IL1RL1: variants seen among roughly 807,000 people sequenced by gnomAD.
IL1RL1 encodes interleukin-1 receptor-like 1.
A neutral mutation model predicts 50.9 loss-of-function variants in IL1RL1; 32 were observed. The ratio of observed to expected loss-of-function variants is 0.63; its 90% CI spans 0.47 to 0.84. The LOEUF (loss-of-function observed/expected upper bound fraction) is 0.84, where lower values mean the gene tolerates loss of function less well. IL1RL1 is among the 40% of genes least tolerant of loss of function. IL1RL1 has a pLI of 0.00. For synonymous variants in IL1RL1, 275 were observed against 236.0 expected (o/e 1.17, Z -1.51); for missense variants, 773 against 662.9 (o/e 1.17, Z -1.82).
At position 102,343,915 on chromosome 2, in the gene IL1RL1, A is replaced by T. The variant is rs952572770; in HGVS notation, c.970+500A>T. 5.0e-6 allele frequency: 5 copies of T among 995,690 alleles called. No homozygotes were observed. In the African/African-American group the frequency reaches 8.7e-5, roughly 17 times the overall value. 61.7% of individuals were successfully genotyped at this position (995,690 alleles called of 1,614,324 possible). ...CAAACTACTGCCATTTCAGTGAGAA[A>T]ATCCTAGGTGCTACTTTATAATAAG... On this transcript the variant is annotated intron_variant, in intron 8 of 10. Coordinates refer to ENST00000233954, the MANE Select transcript of IL1RL1 (RefSeq NM_016232.5).
chr2:102,329,361 T>A (rs567870299), intron 1 of IL1RL1, among the ~76,000 whole-genome samples: 2 of 152,258 alleles, frequency 1.3e-5, no homozygotes, highest in Admixed American at 6.5e-5. Context: ...AAGACTGAAA[T>A]TTTAGACCTA....
At chr2:102,313,706 C>G (rs745445735) in intron 1 of IL1RL1, among the ~76,000 whole-genome samples, 7 of 152,186 alleles carry the variant, frequency 4.6e-5, no homozygotes, top group Non-Finnish European at 1.0e-4. Flanking sequence ...TGGGTGATGA[C>G]TTTGAGCCAG....
intron 4 of IL1RL1, 110 bp from the exon 5 acceptor site, chr2:102,340,556 C>T (rs568646067): frequency 3.8e-5 from 42 of 1,097,508 alleles, no homozygotes; most frequent in Admixed American, 1.5e-4. Context: ...GAGGTTACAG[C>T]GAGCCCAGAT....
intron 1 of IL1RL1, among the ~76,000 whole-genome samples, chr2:102,336,497 G>A (rs1316904315): frequency 1.3e-5 from 2 of 152,292 alleles, no homozygotes; most frequent in Non-Finnish European, 1.5e-5. Context: ...ACTTATAAAC[G>A]TAGGTTGAGT....
In IL1RL1 at chr2:102,349,142, C is replaced by T; in HGVS notation, c.1181C>T (p.Ala394Val). 1.2e-6 allele frequency: 2 copies of T among 1,612,760 alleles called. No individual in the cohort carries two copies. The highest frequency in any genetic ancestry group is 2.2e-5 in the South Asian group (2 of 91,034). Residue 394 changes from alanine (A) to valine (V), a missense_variant, in exon 10 of 11, where the codon GCC becomes GTC. Coordinates refer to ENST00000233954, the MANE Select transcript of IL1RL1 (RefSeq NM_016232.5). ...AACTACAAATCCAGTACAGATGGGG[C>T]CAGTCGTGTAGAGCACTTTGTTCAC... ...PRNYKSSTDG[A>V]SRVEHFVHQI...
chr2:102,315,187 A>C (rs934125430), intron 1 of IL1RL1, among the ~76,000 whole-genome samples: 1 of 152,086 alleles, frequency 6.6e-6, no homozygotes, highest in Non-Finnish European at 1.5e-5. Flanking sequence ...CTGCCACCCA[A>C]CTGAGGCTTC....
chr2:102,351,622 T>C lies in IL1RL1; in HGVS notation c.1372T>C (p.Phe458Leu), dbSNP rs764675499. 1.5e-5 allele frequency: 25 copies of C among 1,613,912 alleles called. 1 individual carries two copies. The Middle Eastern group carries it at 2.3e-3, about 149-fold the overall frequency. ...LTPQITHNKEFAYEQEVALHC... is the reference protein window; with the variant it reads ...LTPQITHNKELAYEQEVALHC... Reference sequence around the variant, plus strand: ...CCCTCAGATCACTCACAATAAGGAGTTTGCCTACGAGCAGGAGGTTGCCCT... The same window carrying C: ...CCCTCAGATCACTCACAATAAGGAGCTTGCCTACGAGCAGGAGGTTGCCCT... The change falls in exon 11 of 11, where the codon TTT becomes CTT. Residue 458 changes from phenylalanine (F) to leucine (L), a missense_variant. Coordinates refer to ENST00000233954, the MANE Select transcript of IL1RL1 (RefSeq NM_016232.5).
chr2:102,344,304 C>A, intron 8 of IL1RL1: 1 of 483,960 alleles, frequency 2.1e-6, no homozygotes, highest in Non-Finnish European at 2.7e-6. Flanking sequence ...GATTACCATT[C>A]AGCATGAGAT....
intron 2 of IL1RL1, 113 bp from the exon 3 acceptor site, chr2:102,338,724 A>G: frequency 1.3e-6 from 1 of 747,186 alleles, no homozygotes; most frequent in South Asian, 1.8e-5. Context: ...CCAAGGTATC[A>G]CAGTATATGA....
chr2:102,349,141 G>T lies in IL1RL1; in HGVS notation c.1180G>T (p.Ala394Ser). The T allele has an allele frequency of 1.9e-6, 3 of 1,613,284 alleles. No individual in the cohort carries two copies. The highest frequency in any genetic ancestry group is 2.5e-6 in the Non-Finnish European group (3 of 1,179,262). The stretch of plus-strand genomic sequence containing the variant: ...GAACTACAAATCCAGTACAGATGGG[G>T]CCAGTCGTGTAGAGCACTTTGTTCA... ...PRNYKSSTDG[A>S]SRVEHFVHQI... Residue 394 changes from alanine to serine, a missense_variant, in exon 10 of 11, where the codon GCC (alanine) becomes TCC (serine). Ala to Ser is a moderately conservative substitution (Grantham distance 99). Transcript: ENST00000233954.
At chr2:102,335,976 A>G (rs1167979099) in intron 1 of IL1RL1, among the ~76,000 whole-genome samples, 1 of 152,176 alleles carries the variant, frequency 6.6e-6, no homozygotes, top group East Asian at 1.9e-4. Flanking sequence ...CTCATGGTCA[A>G]TCTCCCCGCG....
intron 1 of IL1RL1, among the ~76,000 whole-genome samples, chr2:102,325,828 G>T (rs1216648839): frequency 6.6e-6 from 1 of 152,166 alleles, no homozygotes; most frequent in Non-Finnish European, 1.5e-5. Flanking sequence ...AACGAACAAA[G>T]TCTCCAAGAA....
chr2:102,350,323 T>C (rs1861246), intron 10 of IL1RL1, among the ~76,000 whole-genome samples: 117,188 of 152,224 alleles, frequency 0.77, 46,016 homozygotes, highest in African/African-American at 0.88. Context: ...TTTTTCAGTC[T>C]ATCCACCTAA....
intron 3 of IL1RL1, among the ~76,000 whole-genome samples, chr2:102,339,861 G>A (rs1026236212): frequency 6.6e-5 from 10 of 152,140 alleles, no homozygotes; most frequent in African/African-American, 2.4e-4. Context: ...TGTAGTGTAT[G>A]AATAAATGGT....
intron 8 of IL1RL1, among the ~76,000 whole-genome samples, chr2:102,347,580 C>T (rs904778199): frequency 2.0e-5 from 3 of 152,202 alleles, no homozygotes; most frequent in African/African-American, 7.2e-5. Context: ...CTCCCTGAAT[C>T]CTACTCATCT....
chr2:102,341,165 C>T (rs1677545130), intron 5 of IL1RL1: 1 of 1,057,950 alleles, frequency 9.5e-7, no homozygotes. Context: ...AGAGCAAAAC[C>T]AGCTTTTTTT....
Position 102,338,146 on chromosome 2 carries a change from T to C in IL1RL1, c.-119T>C, listed in dbSNP as rs1677396958. 2 of 605,186 alleles carry C rather than the reference T, an allele frequency of 3.3e-6. No individual in the cohort carries two copies. The highest frequency in any genetic ancestry group is 6.0e-6 in the Non-Finnish European group (2 of 334,670). The allele number at this position is 605,186 out of a possible 1,614,324, so 37.5% of individuals were successfully genotyped here. ...ATATAGGCTACTCTTCCCAACTCAGTCTTGAAGAGTATCACCAACTGCCTC... is the reference window on the plus strand; with the variant it reads ...ATATAGGCTACTCTTCCCAACTCAGCCTTGAAGAGTATCACCAACTGCCTC... On this transcript the variant is annotated 5_prime_UTR_variant, in exon 2 of 11. Coordinates refer to ENST00000233954, the MANE Select transcript of IL1RL1 (RefSeq NM_016232.5).
chr2:102,324,709 G>T (rs2104967595), intron 1 of IL1RL1, among the ~76,000 whole-genome samples: 1 of 152,332 alleles, frequency 6.6e-6, no homozygotes, highest in Admixed American at 6.5e-5. Flanking sequence ...ATTATATCCT[G>T]CACCTGGCTT....
At chr2:102,346,356 G>A (rs536847642) in intron 8 of IL1RL1, among the ~76,000 whole-genome samples, 7 of 152,244 alleles carry the variant, frequency 4.6e-5, no homozygotes, top group Admixed American at 2.6e-4. Context: ...AATAACTTGC[G>A]AAATACTACA....
Sources: gnomAD v4.1 joint callset for allele counts (sites outside exome capture counted in the v4.1 genomes callset) on GRCh38, gnomAD v4.1.1 for gene constraint, MANE v1.5 for transcripts, NCBI Gene and HGNC (gene_info 2026-07-23, HGNC 2026-07-21) for gene names.